The following IQCJ variants were observed in gnomAD, a reference collection of about 807,000 sequenced individuals.
IQCJ encodes the protein IQ domain-containing protein J.
IQCJ carries 9 observed loss-of-function variants against 11.0 expected under a neutral mutation model. That is an observed-to-expected ratio of 0.82 (90% CI 0.49 to 1.43). The LOEUF is 1.43. Ranked by LOEUF, IQCJ falls within the 40% of genes most tolerant of loss-of-function variation. The pLI is 0.00. For synonymous variants in IQCJ, 55 were observed against 51.3 expected (o/e 1.07, Z -0.31); for missense variants, 146 against 133.2 (o/e 1.10, Z -0.47).
At chr3:159,134,035 G>A (rs1217742056) in intron 1 of IQCJ, among the ~76,000 whole-genome samples, 4 of 86,754 alleles carry the variant, frequency 4.6e-5, no homozygotes, top group Non-Finnish European at 1.3e-4. Flanking sequence ...TATTTTTCTT[G>A]CACTCTTAAA....
chr3:159,085,664 G>C (rs1273644797), intron 1 of IQCJ, among the ~76,000 whole-genome samples: 2 of 150,232 alleles, frequency 1.3e-5, no homozygotes, highest in Admixed American at 1.3e-4. Flanking sequence ...TTCTCTGATG[G>C]CCAGTGATGA....
intron 2 of IQCJ, among the ~76,000 whole-genome samples, chr3:159,249,017 G>C (rs1034268933): frequency 4.6e-5 from 7 of 151,822 alleles, no homozygotes; most frequent in African/African-American, 1.7e-4. Context: ...CCACCACACC[G>C]GCTAATTTTT....
chr3:159,208,702 A>G (rs1577081779), intron 1 of IQCJ, among the ~76,000 whole-genome samples: 1 of 152,208 alleles, frequency 6.6e-6, no homozygotes, highest in Admixed American at 6.5e-5. Flanking sequence ...ATGGCTCCCC[A>G]AAAGATATTT....
At chr3:159,093,194 A>C (rs557836651) in intron 1 of IQCJ, among the ~76,000 whole-genome samples, 3 of 151,926 alleles carry the variant, frequency 2.0e-5, no homozygotes, top group South Asian at 4.1e-4. Context: ...GTAGGTTAGC[A>C]TATAAACCTG....
At chr3:159,237,781 T>C (rs1726677348) in intron 1 of IQCJ, among the ~76,000 whole-genome samples, 1 of 152,164 alleles carries the variant, frequency 6.6e-6, no homozygotes, top group Non-Finnish European at 1.5e-5. Flanking sequence ...GGTCCTTGAG[T>C]AGTGACAGCT....
At chr3:159,209,011 G>A (rs545626201) in intron 1 of IQCJ, among the ~76,000 whole-genome samples, 1 of 152,274 alleles carries the variant, frequency 6.6e-6, no homozygotes, top group Non-Finnish European at 1.5e-5. Flanking sequence ...AGAGTCCCTG[G>A]CAAGGGTTTC....
At chr3:159,084,236 A>T (rs1716537987) in intron 1 of IQCJ, among the ~76,000 whole-genome samples, 1 of 116,850 alleles carries the variant, frequency 8.6e-6, no homozygotes, top group Non-Finnish European at 1.8e-5. Flanking sequence ...ATCTACAATT[A>T]TCTAAAAATA....
rs60367077 is a variant in IQCJ, at chr3:159,082,348, G to GTT, written c.9+12918_9+12919dup. 2.1e-4 allele frequency among the ~76,000 whole-genome samples: 31 copies of GTT among 146,088 alleles called. No homozygotes were observed. The South Asian group carries it at 3.2e-3, about 15-fold the overall frequency. On this transcript the variant is annotated intron_variant, in intron 1 of 3. Coordinates refer to ENST00000397832, the MANE Select transcript of IQCJ (RefSeq NM_001042706.3). ...ATTTAGTTCCCAAACAACTCTATAA[G>GTT]TTTTTTTTTTTTGTTAGCCCTATTT... is the stretch of plus-strand genomic sequence containing the variant.
chr3:159,254,254 C>T (rs773115361), intron 3 of IQCJ, among the ~76,000 whole-genome samples: 6 of 152,148 alleles, frequency 3.9e-5, no homozygotes, highest in Admixed American at 6.5e-5. Context: ...GTTAGAAAAA[C>T]TCCTGGGTCT....
At chr3:159,124,244 C>G (rs17726436) in intron 1 of IQCJ, among the ~76,000 whole-genome samples, 49,978 of 152,062 alleles carry the variant, frequency 0.33, 8,555 homozygotes, top group Non-Finnish European at 0.39. Flanking sequence ...CATGGATTTA[C>G]TGCAGGAGCT....
intron 1 of IQCJ, among the ~76,000 whole-genome samples, chr3:159,174,677 A>G (rs1296014234): frequency 6.6e-6 from 1 of 152,186 alleles, no homozygotes; most frequent in Non-Finnish European, 1.5e-5. Flanking sequence ...AAAGTTGGGG[A>G]TAATATTTCT....
chr3:159,169,921 C>G (rs926964489), intron 1 of IQCJ, among the ~76,000 whole-genome samples: 7 of 152,166 alleles, frequency 4.6e-5, no homozygotes, highest in African/African-American at 1.4e-4. Flanking sequence ...ACTTCCACCC[C>G]TCATCACTCC....
At chr3:159,103,913 G>A (rs1445732452) in intron 1 of IQCJ, among the ~76,000 whole-genome samples, 7 of 152,366 alleles carry the variant, frequency 4.6e-5, no homozygotes, top group African/African-American at 1.2e-4. Flanking sequence ...TTAATTTAAT[G>A]TATATTCAAA....
At chr3:159,093,623 T>C (rs1336430338) in intron 1 of IQCJ, among the ~76,000 whole-genome samples, 1 of 151,780 alleles carries the variant, frequency 6.6e-6, no homozygotes, top group Non-Finnish European at 1.5e-5. Flanking sequence ...ATTAGTCTGT[T>C]CACATGTTGC....
At chr3:159,163,111 A>G (rs1721965355) in intron 1 of IQCJ, among the ~76,000 whole-genome samples, 1 of 152,208 alleles carries the variant, frequency 6.6e-6, no homozygotes, top group Non-Finnish European at 1.5e-5. Context: ...CTGGGCAGAG[A>G]CACAACCAAA....
intron 1 of IQCJ, among the ~76,000 whole-genome samples, chr3:159,104,921 T>A (rs1718157341): frequency 6.6e-6 from 1 of 152,228 alleles, no homozygotes; most frequent in South Asian, 2.1e-4. Flanking sequence ...TACTAGTCAA[T>A]AAGCTCCCAA....
intron 1 of IQCJ, among the ~76,000 whole-genome samples, chr3:159,138,149 C>G (rs138643356): frequency 6.6e-6 from 1 of 152,194 alleles, no homozygotes; most frequent in Non-Finnish European, 1.5e-5. Flanking sequence ...ACAGCTCAGA[C>G]GGGACAGTTG....
chr3:159,255,862 A>G (rs538508168), intron 3 of IQCJ, among the ~76,000 whole-genome samples: 3 of 152,320 alleles, frequency 2.0e-5, no homozygotes, highest in East Asian at 3.9e-4. Context: ...AAAATTTGTG[A>G]AAGTAAAAGT....
intron 1 of IQCJ, among the ~76,000 whole-genome samples, chr3:159,142,808 A>G (rs1414253664): frequency 6.6e-6 from 1 of 152,172 alleles, no homozygotes; most frequent in Non-Finnish European, 1.5e-5. Flanking sequence ...GCTTTCTCAC[A>G]TCCCACTGAG....
Sources: allele counts gnomAD v4.1 joint callset (sites outside exome capture counted in the v4.1 genomes callset), GRCh38; gene constraint gnomAD v4.1.1; transcripts MANE v1.5; gene names NCBI Gene and HGNC (gene_info 2026-07-23, HGNC 2026-07-21).